Variants in SCAI observed in about 807,000 individuals in gnomAD.
The protein encoded by SCAI is suppressor of cancer cell invasion.
Under a neutral mutation model 92.2 loss-of-function variants are expected in SCAI, and 24 were observed. That is an observed-to-expected ratio of 0.26 (90% CI 0.19 to 0.37). The LOEUF (loss-of-function observed/expected upper bound fraction) is 0.37. SCAI is among the 10% of genes least tolerant of loss of function. The pLI is 1.00. For synonymous variants in SCAI, 261 were observed against 258.6 expected (o/e 1.01, Z -0.09); for missense variants, 450 against 736.2 (o/e 0.61, Z 4.50).
At chr9:124,957,617 G>A (rs542156895) in intron 17 of SCAI, among the ~76,000 whole-genome samples, 215 of 147,274 alleles carry the variant, frequency 1.5e-3, no homozygotes, top group African/African-American at 5.0e-3. Context: ...TGATCCGCCC[G>A]CCTCTGCCTC....
At chr9:125,050,723 C>T (rs952246968) in intron 3 of SCAI, among the ~76,000 whole-genome samples, 10 of 152,202 alleles carry the variant, frequency 6.6e-5, no homozygotes, top group Non-Finnish European at 1.0e-4. Flanking sequence ...AAGGCACACA[C>T]CACCACACCC....
intron 2 of SCAI, among the ~76,000 whole-genome samples, chr9:125,077,540 G>A (rs1214255317): frequency 6.6e-6 from 1 of 152,098 alleles, no homozygotes; most frequent in African/African-American, 2.4e-5. Context: ...TTTCCAAAGT[G>A]AATGTACCAT....
chr9:125,047,990 T>G (rs534230924), intron 3 of SCAI, among the ~76,000 whole-genome samples: 1 of 152,218 alleles, frequency 6.6e-6, no homozygotes, highest in South Asian at 2.1e-4. Flanking sequence ...TCTTTTGTTT[T>G]TTTTTGAGAT....
At chr9:124,975,013 T>C (rs1445268758) in intron 15 of SCAI, among the ~76,000 whole-genome samples, 5 of 152,170 alleles carry the variant, frequency 3.3e-5, no homozygotes, top group African/African-American at 1.2e-4. Flanking sequence ...TTTGACCATG[T>C]AAATTTAAAT....
intron 13 of SCAI, among the ~76,000 whole-genome samples, chr9:124,995,936 G>C (rs952303727): frequency 6.6e-6 from 1 of 152,034 alleles, no homozygotes; most frequent in Non-Finnish European, 1.5e-5. Context: ...TCAGAATCTT[G>C]GTGTGCGTGC....
intron 2 of SCAI, among the ~76,000 whole-genome samples, chr9:125,065,516 A>G (rs932090518): frequency 3.3e-5 from 5 of 152,314 alleles, no homozygotes; most frequent in Admixed American, 3.3e-4. Flanking sequence ...AAAGAAGACA[A>G]AAGAAAAAGA....
chr9:124,992,188 G>A (rs1224286501), intron 14 of SCAI, among the ~76,000 whole-genome samples: 1 of 152,130 alleles, frequency 6.6e-6, no homozygotes, highest in African/African-American at 2.4e-5. Flanking sequence ...AAAGTGCTGG[G>A]ATTACAGGTG....
rs947919524 is a variant in SCAI at position 124,968,645 on chromosome 9, GGT to G, written c.1674+2723_1674+2724del. ...GTGATTCCTCCGCTAGTCTTTCATA[GGT>G]GGTCTCATCTACAGAGCCTGGGTGG... is the stretch of plus-strand genomic sequence containing the variant. On this transcript the variant is annotated intron_variant, in intron 17 of 17. Transcript: ENST00000336505. 3.8e-5 allele frequency: 39 copies of G among 1,024,036 alleles called. No homozygotes were observed. The African/African-American group carries it at 5.8e-4, about 15-fold the overall frequency. The allele number at this position is 1,024,036 out of a possible 1,614,324, so 63.4% of individuals were successfully genotyped here.
chr9:125,015,563 C>T (rs1408605293), intron 9 of SCAI, among the ~76,000 whole-genome samples: 1 of 152,144 alleles, frequency 6.6e-6, no homozygotes. Context: ...GAAATAGGAA[C>T]ACTTTTACAC....
intron 2 of SCAI, among the ~76,000 whole-genome samples, chr9:125,115,062 T>C (rs1403465728): frequency 6.6e-6 from 1 of 152,006 alleles, no homozygotes; most frequent in East Asian, 1.9e-4. Flanking sequence ...CCTGAGCTTC[T>C]GCACCTGGCC....
intron 2 of SCAI, among the ~76,000 whole-genome samples, chr9:125,135,985 A>C (rs1287622805): frequency 8.6e-5 from 13 of 150,778 alleles, no homozygotes; most frequent in African/African-American, 2.7e-4. Flanking sequence ...AAAAAAAAAA[A>C]CAAAAAAAAA....
At chr9:125,063,109 C>G (rs901518498) in intron 2 of SCAI, among the ~76,000 whole-genome samples, 2 of 149,700 alleles carry the variant, frequency 1.3e-5, no homozygotes, top group South Asian at 2.1e-4. Context: ...CCCACCCCCC[C>G]CAGAAAAGGG....
intron 3 of SCAI, among the ~76,000 whole-genome samples, chr9:125,033,127 G>T (rs1833116871): frequency 6.6e-6 from 1 of 152,034 alleles, no homozygotes; most frequent in African/African-American, 2.4e-5. Flanking sequence ...TACTCAGGAG[G>T]CTGAGGCGGA....
intron 2 of SCAI, among the ~76,000 whole-genome samples, chr9:125,127,531 C>T (rs1307515771): frequency 2.6e-5 from 4 of 151,998 alleles, no homozygotes; most frequent in Non-Finnish European, 5.9e-5. Context: ...CACCTGCCCC[C>T]AAGGGCAGAA....
intron 2 of SCAI, among the ~76,000 whole-genome samples, chr9:125,063,791 T>C (rs1833823618): frequency 6.6e-6 from 1 of 151,576 alleles, no homozygotes; most frequent in African/African-American, 2.4e-5. Context: ...TTCACTCTTA[T>C]CACCCAGGCT....
rs527628611 is a variant in SCAI at position 125,072,544 on chromosome 9, T to C, written c.99-16537A>G. 4.6e-5 allele frequency among the ~76,000 whole-genome samples: 7 copies of C among 152,292 alleles called. No individual in the cohort carries two copies. In the South Asian group the frequency reaches 1.2e-3, roughly 27 times the overall value. On this transcript the variant is annotated intron_variant, in intron 2 of 17. Coordinates refer to ENST00000336505, the MANE Select transcript of SCAI (RefSeq NM_001144877.3). The stretch of plus-strand genomic sequence containing the variant: ...TTTACTTTTTTATTGTGGTAAAATA[T>C]ACATATTTACCATCTTAACCATTTC...
chr9:125,025,193 A>T (rs1832944597), intron 6 of SCAI, among the ~76,000 whole-genome samples: 1 of 152,216 alleles, frequency 6.6e-6, no homozygotes, highest in African/African-American at 2.4e-5. Context: ...TACACACAGC[A>T]AGGTCAAGGT....
chr9:125,143,238 A>C, intron 1 of SCAI, 147 bp downstream of exon 1: 24 of 411,426 alleles, frequency 5.8e-5, no homozygotes, highest in Non-Finnish European at 5.8e-5. Context: ...CGCCGCCTGC[A>C]GGCGCCCCCA....
intron 9 of SCAI, among the ~76,000 whole-genome samples, chr9:125,007,656 GA>G (rs955865168): frequency 0.023 from 3,412 of 145,346 alleles, 92 homozygotes; most frequent in African/African-American, 0.072. Flanking sequence ...TCTCTAAAAA[GA>G]AAAAAAAAAA....
Sources: gnomAD v4.1 joint callset for allele counts (sites outside exome capture counted in the v4.1 genomes callset) on GRCh38, gnomAD v4.1.1 for gene constraint, MANE v1.5 for transcripts, NCBI Gene and HGNC (gene_info 2026-07-23, HGNC 2026-07-21) for gene names.